Variants in GINM1 observed in about 807,000 individuals in gnomAD.
The protein encoded by GINM1 is glycosylated integral membrane protein 1.
Under a neutral mutation model 37.8 loss-of-function variants are expected in GINM1, and 29 were observed. That is an observed-to-expected ratio of 0.77 (90% CI 0.57 to 1.05). GINM1 has a LOEUF of 1.05. Among genes scored for constraint, GINM1 ranks in the 50% least tolerant of loss-of-function variants. GINM1 has a pLI of 0.00. For synonymous variants in GINM1, 143 were observed against 146.2 expected, an observed-to-expected ratio of 0.98 and a Z score of 0.16; for missense variants, 377 against 397.9, an observed-to-expected ratio of 0.95 and a Z score of 0.45.
chr6:149,568,719 G>A, intron 1 of GINM1, among the ~76,000 whole-genome samples: 1 of 152,132 alleles, frequency 6.6e-6, no homozygotes, highest in East Asian at 1.9e-4. Flanking sequence ...GGAAAATTCT[G>A]CCTTCTTCCG....
intron 1 of GINM1, among the ~76,000 whole-genome samples, chr6:149,569,485 C>T (rs1340718243): frequency 2.6e-5 from 4 of 151,370 alleles, no homozygotes; most frequent in African/African-American, 9.7e-5. Context: ...ATTACAGGCA[C>T]GTGCCACCAT....
In GINM1 at chr6:149,584,815, G is replaced by GTA. The variant is rs1203605733; in HGVS notation, c.881+2223_881+2224dup. On this transcript the variant is annotated intron_variant, in intron 7 of 7. Coordinates refer to ENST00000367419, the MANE Select transcript of GINM1 (RefSeq NM_138785.5). ...ATATTTTATATAAATATTTATAAAT[G>GTA]TATATATATATAGAGAGAGAGAGAG... 2.7e-3 allele frequency among the ~76,000 whole-genome samples: 408 copies of GTA among 148,918 alleles called. 1 individual carries two copies. The highest frequency in any genetic ancestry group is 8.8e-3 in the African/African-American group (359 of 40,852).
At chr6:149,572,255 CT>C in intron 1 of GINM1, 29 bp from the exon 2 acceptor site, 1 of 1,430,066 alleles carries the variant, frequency 7.0e-7, no homozygotes, top group Non-Finnish European at 9.7e-7. Flanking sequence ...AGATGCACAC[CT>C]TCCAATTTAC....
chr6:149,579,091 G>T (rs1582735594), intron 4 of GINM1, 118 bp downstream of exon 4: 1 of 518,506 alleles, frequency 1.9e-6, no homozygotes, highest in East Asian at 3.3e-5. Flanking sequence ...GCCTAATGTT[G>T]CCTATATCCA....
chr6:149,583,602 C>T (rs1778031572), intron 7 of GINM1, among the ~76,000 whole-genome samples: 1 of 149,908 alleles, frequency 6.7e-6, no homozygotes, highest in African/African-American at 2.5e-5. Flanking sequence ...GCACTCCAGC[C>T]TGGGAAACGA....
chr6:149,584,744 G>A (rs1321887898), intron 7 of GINM1, among the ~76,000 whole-genome samples: 5 of 151,286 alleles, frequency 3.3e-5, no homozygotes, highest in Non-Finnish European at 1.5e-5. Context: ...ATGCTCTTGG[G>A]AGCATTTCCT....
intron 6 of GINM1, among the ~76,000 whole-genome samples, chr6:149,581,908 A>G (rs1778008470): frequency 6.6e-6 from 1 of 152,222 alleles, no homozygotes; most frequent in Admixed American, 6.5e-5. Context: ...GCCCCAGAGC[A>G]GACTGTCTTC....
In GINM1 at chr6:149,566,490, A is replaced by G. The variant is rs911057726; in HGVS notation, c.76A>G (p.Thr26Ala). ...GGCGCTACCCGCCTCCGGCTGGCTG[A>G]CGACGGGCGCCCCCGAGCCGCCGCC... ...FVALPASGWLTTGAPEPPPLS... is the reference protein window; with the variant it reads ...FVALPASGWLATGAPEPPPLS... The change falls in exon 1 of 8, where the codon ACG (threonine) becomes GCG (alanine). Residue 26 changes from threonine to alanine, a missense_variant. By Grantham distance (58) the Thr-to-Ala change is moderately conservative (BLOSUM62 0). Transcript: ENST00000367419. This position sits in a 1 kb window ranked among gnomAD's most constrained non-coding sequence, Gnocchi z 4.4. The G allele has an allele frequency of 1.2e-5, 18 of 1,545,022 alleles. No homozygotes were observed. The highest frequency in any genetic ancestry group is 7.4e-5 in the East Asian group (3 of 40,596).
intron 3 of GINM1, among the ~76,000 whole-genome samples, chr6:149,573,295 G>T (rs1344172237): frequency 6.6e-6 from 1 of 151,688 alleles, no homozygotes; most frequent in African/African-American, 2.4e-5. Context: ...ACAGAGCAAG[G>T]CTCCGTCACA....
intron 7 of GINM1, 50 bp from the exon 8 acceptor site, chr6:149,590,677 G>C: frequency 1.0e-6 from 1 of 961,356 alleles, no homozygotes; most frequent in Non-Finnish European, 1.7e-6. Flanking sequence ...TCAAACTACA[G>C]GCAGAGGAAA....
At chr6:149,588,715 C>T (rs1163493811) in intron 7 of GINM1, among the ~76,000 whole-genome samples, 2 of 151,886 alleles carry the variant, frequency 1.3e-5, no homozygotes, top group Non-Finnish European at 2.9e-5. Context: ...CAGCCTTGAC[C>T]CTCCTGGGTT....
At chr6:149,568,411 C>T (rs900471913) in intron 1 of GINM1, among the ~76,000 whole-genome samples, 1 of 152,256 alleles carries the variant, frequency 6.6e-6, no homozygotes, top group Non-Finnish European at 1.5e-5. Context: ...AGTGGTCCCA[C>T]ATATTGTGTA....
At position 149,567,135 on chromosome 6, in the gene GINM1, C is replaced by T. The variant is rs546327336; in HGVS notation, c.120+601C>T. ...GTGTCCGCATCCCCTGGGGACTCAG[C>T]CCGGCCTCTGGGGGCGGGGCCCAGC... On this transcript the variant is annotated intron_variant, in intron 1 of 7. Transcript: ENST00000367419. 3.9e-5 allele frequency among the ~76,000 whole-genome samples: 6 copies of T among 152,254 alleles called. No homozygotes were observed. In the East Asian group the frequency reaches 1.2e-3, roughly 29 times the overall value.
intron 1 of GINM1, 75 bp from the exon 2 acceptor site, chr6:149,572,210 G>C: frequency 1.3e-6 from 1 of 785,268 alleles, no homozygotes; most frequent in Non-Finnish European, 2.2e-6. Context: ...TACAATTGGA[G>C]GGAAAAGAGA....
intron 6 of GINM1, among the ~76,000 whole-genome samples, chr6:149,581,587 T>G (rs1174001292): frequency 6.6e-6 from 1 of 152,236 alleles, no homozygotes; most frequent in Non-Finnish European, 1.5e-5. Context: ...TCTCATGAAG[T>G]TGTTACAAGG....
At chr6:149,588,050 T>C (rs932123466) in intron 7 of GINM1, among the ~76,000 whole-genome samples, 4 of 152,258 alleles carry the variant, frequency 2.6e-5, no homozygotes, top group Non-Finnish European at 5.9e-5. Context: ...AACATTTAGG[T>C]AATTTCCAAT....
At position 149,579,882 on chromosome 6, in the gene GINM1, G is replaced by A; in HGVS notation, c.478G>A (p.Gly160Arg). The A allele has an allele frequency of 6.2e-7, 1 of 1,606,152 alleles. No homozygotes were observed. Among genetic ancestry groups the A allele is most frequent in the South Asian group, 1.1e-5 (1 of 90,106 alleles). Residue 160 changes from glycine to arginine, a missense_variant, in exon 5 of 8, where the codon GGA becomes AGA. Gly to Arg is a moderately radical substitution (Grantham distance 125). Transcript: ENST00000367419. ...AATTGATATTTTAGTTAAGAACCGG[G>A]GAGTACTCAGACATTCAAACTATAC... ...TEIDILVKNR[G>R]VLRHSNYTLP...
At chr6:149,573,253 T>C (rs1052061085) in intron 3 of GINM1, among the ~76,000 whole-genome samples, 4 of 152,048 alleles carry the variant, frequency 2.6e-5, no homozygotes, top group African/African-American at 9.7e-5. Context: ...TGCTGTGAGC[T>C]GAGATCACGC....
intron 3 of GINM1, 35 bp downstream of exon 3, chr6:149,572,638 G>GT (rs978453771): frequency 1.9e-5 from 23 of 1,191,256 alleles, no homozygotes; most frequent in East Asian, 7.0e-5. Context: ...TAATTGCTCT[G>GT]TTTTTTGTGT....
Sources: gnomAD v4.1 joint callset for allele counts (sites outside exome capture counted in the v4.1 genomes callset) on GRCh38, gnomAD v4.1.1 for gene constraint, Gnocchi (gnomAD v3.1) non-coding constraint, MANE v1.5 for transcripts, NCBI Gene and HGNC (gene_info 2026-07-23, HGNC 2026-07-21) for gene names.